Variants in EPB41L1 observed in about 807,000 individuals in gnomAD.
The protein encoded by EPB41L1 is band 4.1-like protein 1.
EPB41L1 carries 29 observed loss-of-function variants against 97.8 expected under a neutral mutation model. The observed-to-expected ratio is 0.30, with a 90% CI of 0.22 to 0.40. The LOEUF (loss-of-function observed/expected upper bound fraction) is 0.40. Among genes scored for constraint, EPB41L1 ranks in the 10% least tolerant of loss-of-function variants. The pLI, the probability that EPB41L1 is intolerant of heterozygous loss-of-function variation, is 1.00. For missense variants in EPB41L1, 812 were observed against 1,162.3 expected, an observed-to-expected ratio of 0.70 and a Z score of 4.38; for synonymous variants, 383 against 459.2, an observed-to-expected ratio of 0.83 and a Z score of 2.12.
At chr20:36,221,837 T>C (rs751662281) in intron 19 of EPB41L1, 27 bp from the exon 20 acceptor site, 7 of 1,605,862 alleles carry the variant, frequency 4.4e-6, no homozygotes, top group Non-Finnish European at 6.0e-6. Context: ...GACCCAAGAG[T>C]GACCTCACCT....
chr20:36,194,184 G>T lies in EPB41L1; in HGVS notation c.1301-28G>T, dbSNP rs764594023. 20 of 1,612,488 alleles carry T rather than the reference G, an allele frequency of 1.2e-5. No homozygotes were observed. The Admixed American group carries it at 3.0e-4, about 24-fold the overall frequency. On this transcript the variant is annotated intron_variant, in intron 11 of 21. Coordinates refer to ENST00000338074, the MANE Select transcript of EPB41L1 (RefSeq NM_012156.2). ...TGTTCTCTGGGAGGGGTCTCACATG[G>T]TTGCCTGGCTATCTCCACCCACTTC...
intron 5 of EPB41L1, among the ~76,000 whole-genome samples, chr20:36,181,753 A>T (rs1251459718): frequency 6.6e-6 from 1 of 152,192 alleles, no homozygotes; most frequent in Non-Finnish European, 1.5e-5. Flanking sequence ...GGCTCTGACA[A>T]GTCCAAATTT....
At chr20:36,227,271 C>T (rs935216820) in intron 21 of EPB41L1, among the ~76,000 whole-genome samples, 16 of 152,120 alleles carry the variant, frequency 1.1e-4, no homozygotes, top group East Asian at 9.7e-4. Context: ...GAGCTATGAT[C>T]GCGCCACTGC....
intron 1 of EPB41L1, among the ~76,000 whole-genome samples, chr20:36,156,994 G>A (rs2060330887): frequency 6.6e-6 from 1 of 152,194 alleles, no homozygotes; most frequent in Non-Finnish European, 1.5e-5. Context: ...GGGAGGACGA[G>A]GCGGGCAGAT....
intron 2 of EPB41L1, among the ~76,000 whole-genome samples, chr20:36,119,479 G>A (rs1337001944): frequency 6.6e-6 from 1 of 152,188 alleles, no homozygotes; most frequent in Non-Finnish European, 1.5e-5. Context: ...GTGCACGCCT[G>A]TAATCCCAGC....
chr20:36,189,357 AC>A (rs1022922405), intron 9 of EPB41L1, among the ~76,000 whole-genome samples: 10 of 152,074 alleles, frequency 6.6e-5, no homozygotes, highest in Middle Eastern at 3.4e-3. Context: ...CCTTTCAGGA[AC>A]TCTCTTTAGC....
Position 36,093,408 on chromosome 20 carries a change from C to T in EPB41L1, c.-65+1796C>T, listed in dbSNP as rs2057722404. On this transcript the variant is annotated intron_variant, in intron 1 of 19. Coordinates refer to the EPB41L1 transcript ENST00000202028. This position sits in a 1 kb window ranked among gnomAD's most constrained non-coding sequence, Gnocchi z 5.4. ...TGAGTGCGGGTGTGCTCCCGCGTAG[C>T]CCCCGTGTGCGTGTGCGCGGCTTTG... Among the ~76,000 whole-genome samples, 1 of 150,382 alleles carries T rather than the reference C, an allele frequency of 6.6e-6. No individual in the cohort carries two copies. Among genetic ancestry groups the T allele is most frequent in the South Asian group, 2.1e-4 (1 of 4,734 alleles).
chr20:36,222,245 A>G, intron 20 of EPB41L1, 33 bp from the exon 21 acceptor site: 1 of 1,563,720 alleles, frequency 6.4e-7, no homozygotes, highest in Non-Finnish European at 8.8e-7. Context: ...TGGATAGTTC[A>G]TGGTTCCTTC....
chr20:36,127,301 T>G (rs906419892), intron 2 of EPB41L1, among the ~76,000 whole-genome samples: 2 of 152,280 alleles, frequency 1.3e-5, no homozygotes, highest in Admixed American at 1.3e-4. Flanking sequence ...AGGAGATGCC[T>G]TTGTCTGAGT....
intron 1 of EPB41L1, among the ~76,000 whole-genome samples, chr20:36,103,312 G>C (rs527594676): frequency 3.3e-5 from 5 of 152,338 alleles, no homozygotes; most frequent in Admixed American, 1.3e-4. Flanking sequence ...TACTAAGTTT[G>C]CAGAATCTGC....
Position 36,231,286 on chromosome 20 carries a change from A to G in EPB41L1, c.*1946A>G, listed in dbSNP as rs925575234. ...CTCTGAGCTCAGAAAGTGCCCCTTGATGAGGGAAAATGTCCCACTGCACTG... is the reference window on the plus strand; with the variant it reads ...CTCTGAGCTCAGAAAGTGCCCCTTGGTGAGGGAAAATGTCCCACTGCACTG... On this transcript the variant is annotated 3_prime_UTR_variant, in exon 22 of 22. Coordinates refer to ENST00000338074, the MANE Select transcript of EPB41L1 (RefSeq NM_012156.2). The G allele has an allele frequency of 6.6e-6, 1 of 152,232 alleles. No homozygotes were observed. The highest frequency in any genetic ancestry group is 6.5e-5 in the Admixed American group (1 of 15,288). 9.4% of individuals were successfully genotyped at this position (152,232 alleles called of 1,614,324 possible).
At chr20:36,191,077 T>C (rs2061927539) in intron 11 of EPB41L1, among the ~76,000 whole-genome samples, 1 of 151,988 alleles carries the variant, frequency 6.6e-6, no homozygotes, top group Non-Finnish European at 1.5e-5. Flanking sequence ...TTTAGCCATA[T>C]GGTTTGGGCC....
chr20:36,138,567 A>AT (rs534818640), intron 2 of EPB41L1, among the ~76,000 whole-genome samples: 357 of 152,278 alleles, frequency 2.3e-3, no homozygotes, highest in Non-Finnish European at 3.9e-3. Context: ...CAGCCAGCAC[A>AT]TTTTTTAAAG....
chr20:36,187,538 G>A, intron 7 of EPB41L1, 138 bp from the exon 8 acceptor site: 1 of 741,930 alleles, frequency 1.3e-6, no homozygotes, highest in Non-Finnish European at 2.4e-6. Flanking sequence ...TGCTCTGAGG[G>A]CAGAGGGAAA....
intron 9 of EPB41L1, among the ~76,000 whole-genome samples, chr20:36,189,548 C>G (rs1353240017): frequency 6.6e-6 from 1 of 152,158 alleles, no homozygotes; most frequent in Admixed American, 6.5e-5. Flanking sequence ...AGTATCTCCC[C>G]CTCTCGCTTC....
At chr20:36,106,819 C>T (rs2058205767) in intron 1 of EPB41L1, among the ~76,000 whole-genome samples, 1 of 152,190 alleles carries the variant, frequency 6.6e-6, no homozygotes, top group Admixed American at 6.5e-5. Context: ...TGGCTAGTGC[C>T]ACCAAGGAAC....
chr20:36,118,733 T>C (rs1369138224), intron 2 of EPB41L1, among the ~76,000 whole-genome samples: 1 of 152,242 alleles, frequency 6.6e-6, no homozygotes, highest in Non-Finnish European at 1.5e-5. Flanking sequence ...AGATGCTTAA[T>C]AGATATTTGT....
intron 17 of EPB41L1, among the ~76,000 whole-genome samples, chr20:36,215,972 T>C (rs1020235504): frequency 2.0e-5 from 3 of 152,152 alleles, no homozygotes; most frequent in Middle Eastern, 3.2e-3. Flanking sequence ...TTTTCACTTC[T>C]GTAAAATGGG....
At chr20:36,221,283 C>T (rs539133612) in intron 19 of EPB41L1, among the ~76,000 whole-genome samples, 14 of 152,368 alleles carry the variant, frequency 9.2e-5, no homozygotes, top group African/African-American at 3.1e-4. Context: ...TCATAAGTAT[C>T]ATCAATCCAA....
Sources: gnomAD v4.1 joint callset for allele counts (sites outside exome capture counted in the v4.1 genomes callset) on GRCh38, gnomAD v4.1.1 for gene constraint, Gnocchi (gnomAD v3.1) non-coding constraint, MANE v1.5 for transcripts, NCBI Gene and HGNC (gene_info 2026-07-23, HGNC 2026-07-21) for gene names.